SDK2: variants seen among roughly 807,000 people sequenced by gnomAD.
The protein encoded by SDK2 is protein sidekick-2.
A neutral mutation model predicts 253.9 loss-of-function variants in SDK2; 105 were observed. That is an observed-to-expected ratio of 0.41 (90% CI 0.35 to 0.49). The LOEUF is 0.49. Ranked by LOEUF, SDK2 falls within the 20% of genes least tolerant of loss-of-function variation. The probability of loss-of-function intolerance (pLI) is 0.06; values close to 1 mark genes in which losing one functional copy is unlikely to be tolerated. For missense variants in SDK2, 2,608 were observed against 3,003.0 expected (o/e 0.87, Z 3.07); for synonymous variants, 1,249 against 1,234.9 (o/e 1.01, Z -0.24).
In SDK2 at chr17:73,422,272, C is replaced by T. The variant is rs773126656; in HGVS notation, c.2045+15G>A. ...GAGTCCTGGCGACGCCCCTGTAGAG[C>T]GCCAGTGCCCTCACCTCTCGGTGTC... On this transcript the variant is annotated intron_variant, in intron 15 of 44. Transcript: ENST00000392650. The T allele has an allele frequency of 7.4e-6, 12 of 1,613,294 alleles. No homozygotes were observed. Among genetic ancestry groups the T allele is most frequent in the Admixed American group, 1.7e-5 (1 of 59,992 alleles).
In SDK2 at chr17:73,447,823, C is replaced by T. The variant is rs1344397197; in HGVS notation, c.480-75G>A. The T allele has an allele frequency of 1.3e-6, 2 of 1,527,078 alleles. No individual in the cohort carries two copies. The highest frequency in any genetic ancestry group is 2.8e-5 in the African/African-American group (2 of 72,416). 94.6% of individuals were successfully genotyped at this position (1,527,078 alleles called of 1,614,324 possible). ...CCTCCAGGGAGTGGGAGTGGAAACCCTAAGGGGGAAGCCCGACCATATCTC... is the reference window on the plus strand; with the variant it reads ...CCTCCAGGGAGTGGGAGTGGAAACCTTAAGGGGGAAGCCCGACCATATCTC... On this transcript the variant is annotated intron_variant, in intron 4 of 44. Transcript: ENST00000392650. This position sits in a 1 kb window ranked among gnomAD's most constrained non-coding sequence, Gnocchi z 4.0.
At chr17:73,625,631 C>A (rs2046191828) in intron 1 of SDK2, among the ~76,000 whole-genome samples, 1 of 152,130 alleles carries the variant, frequency 6.6e-6, no homozygotes, top group Non-Finnish European at 1.5e-5. Context: ...ACCACATTTT[C>A]TTTTCTTTTT....
At chr17:73,449,597 C>G (rs865900961) in intron 4 of SDK2, among the ~76,000 whole-genome samples, 1 of 137,010 alleles carries the variant, frequency 7.3e-6, no homozygotes, top group African/African-American at 2.7e-5. Flanking sequence ...GATGCCCCCC[C>G]ACCTCTTTTT....
chr17:73,500,343 A>C (rs1599624741), intron 2 of SDK2, among the ~76,000 whole-genome samples: 5 of 96,316 alleles, frequency 5.2e-5, no homozygotes, highest in Non-Finnish European at 6.2e-5. Flanking sequence ...CATCTCCTCC[A>C]TCCTCCCTCC....
intron 12 of SDK2, 54 bp downstream of exon 12, chr17:73,430,457 A>G (rs1318191792): frequency 7.4e-7 from 1 of 1,344,318 alleles, no homozygotes; most frequent in Non-Finnish European, 1.0e-6. Context: ...GCTACAAGCT[A>G]TTGCCAGAGG....
At chr17:73,344,822 C>G (rs1419488649) in intron 44 of SDK2, among the ~76,000 whole-genome samples, 1 of 152,180 alleles carries the variant, frequency 6.6e-6, no homozygotes, top group South Asian at 2.1e-4. Flanking sequence ...CAGAGCCGTT[C>G]AGTAGAATGG....
chr17:73,450,867 C>A (rs966790065), intron 4 of SDK2, among the ~76,000 whole-genome samples: 1 of 152,190 alleles, frequency 6.6e-6, no homozygotes, highest in Non-Finnish European at 1.5e-5. Flanking sequence ...AGTGATCAGG[C>A]CCCAGATGTC....
rs2045436609 is a variant in SDK2, at chr17:73,574,823, AG to A, written c.65-67227del. ...CAAGTACAACTTAACCAAGAGGGTGAGTCTTGAGTCTTGAGAAGTATGAGTC... is the reference window on the plus strand; with the variant it reads ...CAAGTACAACTTAACCAAGAGGGTGATCTTGAGTCTTGAGAAGTATGAGTC... On this transcript the variant is annotated intron_variant, in intron 1 of 44. Transcript: ENST00000392650. Among the ~76,000 whole-genome samples, 3 of 152,202 alleles carry A rather than the reference AG, an allele frequency of 2.0e-5. 1 individual carries two copies. The South Asian group carries it at 6.2e-4, about 31-fold the overall frequency.
rs904381 is a variant in SDK2 at position 73,394,227 on chromosome 17, C to A, written c.3690G>T (p.Gly1230=). The change falls in exon 26 of 45, where the codon GGG becomes GGT. Residue 1230 remains glycine (G), a synonymous_variant. Coordinates refer to ENST00000392650, the MANE Select transcript of SDK2 (RefSeq NM_001144952.2). ...GACTCACCTTATAGCCCAGCACGAG[C>A]CCGTTGCGATCAGCCTCGGGGACCT... ...WSEVPEADRN[G]LVLGYKVMYK... The A allele has an allele frequency of 0.43, 678,208 of 1,582,230 alleles. 156,931 individuals carry two copies. Among genetic ancestry groups the A allele is most frequent in the Non-Finnish European group, 0.48 (559,844 of 1,159,870 alleles).
At chr17:73,357,977 C>G (rs2062606285) in intron 40 of SDK2, 102 bp downstream of exon 40, 1 of 1,558,500 alleles carries the variant, frequency 6.4e-7, no homozygotes, top group African/African-American at 1.4e-5. Context: ...AGCACAAGCG[C>G]CTTCTCAGGC....
intron 8 of SDK2, 43 bp downstream of exon 8, chr17:73,437,696 G>A: frequency 6.7e-7 from 1 of 1,491,800 alleles, no homozygotes; most frequent in Non-Finnish European, 9.4e-7. Context: ...AGAGGCTGAA[G>A]ATCTGGGGTC....
rs1437531026 is a variant in SDK2 at position 73,358,717 on chromosome 17, T to C, written c.5468-513A>G. Among the ~76,000 whole-genome samples the C allele has an allele frequency of 2.0e-5, 3 of 151,966 alleles. No homozygotes were observed. In the East Asian group the frequency reaches 5.8e-4, roughly 29 times the overall value. ...AGTTTCTCCCTCCTGGTAGGTGATA[T>C]GATGTCCGCCCTCCCTCATTCCTGC... On this transcript the variant is annotated intron_variant, in intron 39 of 44. Coordinates refer to ENST00000392650, the MANE Select transcript of SDK2 (RefSeq NM_001144952.2).
At chr17:73,483,525 ATATATATGTATG>A (rs1279540277) in intron 2 of SDK2, among the ~76,000 whole-genome samples, 17 of 140,358 alleles carry the variant, frequency 1.2e-4, no homozygotes, top group African/African-American at 2.2e-4. Flanking sequence ...GTGTGTGTAT[ATATATATGTATG>A]TATATATGTA....
intron 1 of SDK2, among the ~76,000 whole-genome samples, chr17:73,631,427 G>A (rs1310041429): frequency 6.6e-6 from 1 of 152,258 alleles, no homozygotes; most frequent in Non-Finnish European, 1.5e-5. Context: ...AATCAGGTCT[G>A]AGCACCGGGC....
Position 73,534,034 on chromosome 17 carries a change from C to CT in SDK2, c.65-26438_65-26437insA, listed in dbSNP as rs1420653079. Among the ~76,000 whole-genome samples the CT allele has an allele frequency of 3.9e-5, 6 of 152,258 alleles. No individual in the cohort carries two copies. The highest frequency in any genetic ancestry group is 1.4e-4 in the African/African-American group (6 of 41,550). On this transcript the variant is annotated intron_variant, in intron 1 of 44. Transcript: ENST00000392650. This position sits in a 1 kb window ranked among gnomAD's most constrained non-coding sequence, Gnocchi z 4.9. ...TTGCAGCCAAGACGCCATTCTGCTCCGCCTGCTCCCTGCTCCTCCTCCTCC... is the reference window on the plus strand; with the variant it reads ...TTGCAGCCAAGACGCCATTCTGCTCCTGCCTGCTCCCTGCTCCTCCTCCTCC...
intron 1 of SDK2, among the ~76,000 whole-genome samples, chr17:73,631,633 G>T (rs1599740052): frequency 6.6e-6 from 1 of 152,208 alleles, no homozygotes; most frequent in African/African-American, 2.4e-5. Flanking sequence ...AAACCCTGGT[G>T]GGGGACTGGG....
rs138688050 is a variant in SDK2 at position 73,421,170 on chromosome 17, C to T, written c.2045+1117G>A. Among the ~76,000 whole-genome samples the T allele has an allele frequency of 3.1e-3, 476 of 152,328 alleles. 6 individuals carry two copies. The highest frequency in any genetic ancestry group is 0.011 in the African/African-American group (444 of 41,580). Reference sequence around the variant, plus strand: ...CCTGTCCTCCCTCCAGTGGTCCAAACGTGGCATGGCACACGGTAGCTGCTC... The same window carrying T: ...CCTGTCCTCCCTCCAGTGGTCCAAATGTGGCATGGCACACGGTAGCTGCTC... On this transcript the variant is annotated intron_variant, in intron 15 of 44. Coordinates refer to ENST00000392650, the MANE Select transcript of SDK2 (RefSeq NM_001144952.2).
intron 2 of SDK2, among the ~76,000 whole-genome samples, chr17:73,498,167 T>C (rs1468657380): frequency 6.6e-6 from 1 of 152,238 alleles, no homozygotes; most frequent in Non-Finnish European, 1.5e-5. Flanking sequence ...CGGTATCTGG[T>C]CACAACCGGC....
At chr17:73,344,567 G>C (rs536753278) in intron 44 of SDK2, among the ~76,000 whole-genome samples, 12 of 152,312 alleles carry the variant, frequency 7.9e-5, no homozygotes, top group Admixed American at 7.2e-4. Flanking sequence ...TGTTAAATGG[G>C]GATAGTTTCA....
Sources: allele counts gnomAD v4.1 joint callset (sites outside exome capture counted in the v4.1 genomes callset), GRCh38; gene constraint gnomAD v4.1.1; non-coding constraint Gnocchi (gnomAD v3.1); transcripts MANE v1.5; gene names NCBI Gene and HGNC (gene_info 2026-07-23, HGNC 2026-07-21).